GIPC2: variants seen among roughly 807,000 people sequenced by gnomAD.
GIPC2 encodes GIPC PDZ domain containing family member 2.
In GIPC2, 30 loss-of-function variants were observed where a neutral mutation model predicts 30.6. The observed-to-expected ratio is 0.98, with a 90% CI of 0.73 to 1.33. The LOEUF (loss-of-function observed/expected upper bound fraction) is 1.33. GIPC2 is among the 40% of genes most tolerant of loss of function. The pLI is 0.00. For missense variants in GIPC2, 414 were observed against 390.3 expected, an observed-to-expected ratio of 1.06 and a Z score of -0.51; for synonymous variants, 167 against 150.0, an observed-to-expected ratio of 1.11 and a Z score of -0.83.
intron 3 of GIPC2, among the ~76,000 whole-genome samples, chr1:78,100,959 C>T (rs868636923): frequency 4.7e-5 from 7 of 149,502 alleles, no homozygotes; most frequent in Middle Eastern, 3.4e-3. Context: ...CACACACACA[C>T]ACACACACAC....
chr1:78,107,681 C>T (rs1007217500), intron 3 of GIPC2, among the ~76,000 whole-genome samples: 6 of 151,506 alleles, frequency 4.0e-5, no homozygotes, highest in East Asian at 1.9e-4. Context: ...AAAAATTAGC[C>T]GAACATGGTG....
rs1342156577 is a variant in GIPC2 at position 78,135,558 on chromosome 1, T to C, written c.797-34T>C. 2.2e-6 allele frequency: 3 copies of C among 1,345,512 alleles called. No homozygotes were observed. The African/African-American group carries it at 4.4e-5, about 20-fold the overall frequency. 83.3% of individuals were successfully genotyped at this position (1,345,512 alleles called of 1,614,324 possible). A position where few individuals can be genotyped will look rare whatever the true frequency, so the allele number is the denominator to read the frequency against. Reference sequence around the variant, plus strand: ...TTCTCAGTCCTTTGATGCTATTTCATTTATTGTTAATTTTTTAATATTATT... The same window carrying C: ...TTCTCAGTCCTTTGATGCTATTTCACTTATTGTTAATTTTTTAATATTATT... On this transcript the variant is annotated intron_variant, in intron 5 of 5. Transcript: ENST00000370759.
intron 4 of GIPC2, among the ~76,000 whole-genome samples, chr1:78,121,361 T>C (rs1026918040): frequency 1.3e-5 from 2 of 152,254 alleles, no homozygotes; most frequent in African/African-American, 4.8e-5. Context: ...AGGGTCTCTC[T>C]GTATGTGAAT....
intron 3 of GIPC2, among the ~76,000 whole-genome samples, chr1:78,100,995 A>G (rs1662240753): frequency 6.6e-6 from 1 of 150,574 alleles, no homozygotes; most frequent in African/African-American, 2.4e-5. Flanking sequence ...CACACGAGGT[A>G]GATGAGCATT....
At chr1:78,055,846 A>G (rs972052431) in intron 1 of GIPC2, among the ~76,000 whole-genome samples, 1 of 152,176 alleles carries the variant, frequency 6.6e-6, no homozygotes, top group African/African-American at 2.4e-5. Context: ...TGCACATGGT[A>G]GATATTCTGA....
At chr1:78,094,787 T>A (rs1352905037) in intron 2 of GIPC2, 165 bp from the exon 3 acceptor site, 1 of 528,670 alleles carries the variant, frequency 1.9e-6, no homozygotes, top group Non-Finnish European at 3.4e-6. Flanking sequence ...TAAAAAGTAC[T>A]GTTACACAGT....
chr1:78,107,788 G>A (rs938953018), intron 3 of GIPC2, among the ~76,000 whole-genome samples: 2 of 113,480 alleles, frequency 1.8e-5, no homozygotes, highest in Non-Finnish European at 3.3e-5. Context: ...TGGTGCCAAC[G>A]CACTTCAGCC....
intron 5 of GIPC2, among the ~76,000 whole-genome samples, chr1:78,133,485 G>A (rs1662939136): frequency 1.3e-5 from 2 of 152,172 alleles, no homozygotes; most frequent in African/African-American, 2.4e-5. Context: ...AGAGAATGGG[G>A]ATATCTCTTC....
chr1:78,094,510 C>T (rs1369409708), intron 2 of GIPC2, among the ~76,000 whole-genome samples: 1 of 151,990 alleles, frequency 6.6e-6, no homozygotes, highest in Non-Finnish European at 1.5e-5. Flanking sequence ...ATGTAAAGTG[C>T]TTAGTTTAGA....
At chr1:78,067,823 A>G (rs1287388061) in intron 1 of GIPC2, among the ~76,000 whole-genome samples, 3 of 152,182 alleles carry the variant, frequency 2.0e-5, no homozygotes, top group African/African-American at 7.2e-5. Flanking sequence ...GCCTACATCC[A>G]GAAAATAAGA....
intron 2 of GIPC2, chr1:78,092,042 A>G (rs1196540147): frequency 2.5e-5 from 38 of 1,529,548 alleles, no homozygotes; most frequent in Admixed American, 2.0e-4. Flanking sequence ...CCTCCTGTCT[A>G]CTGGCTCCAA....
At chr1:78,074,320 T>C (rs989946644) in intron 1 of GIPC2, among the ~76,000 whole-genome samples, 1 of 152,196 alleles carries the variant, frequency 6.6e-6, no homozygotes, top group African/African-American at 2.4e-5. Context: ...TCTTGAACTC[T>C]TGGGTTCAAG....
intron 1 of GIPC2, among the ~76,000 whole-genome samples, chr1:78,048,101 T>A (rs1388403270): frequency 6.6e-6 from 1 of 152,156 alleles, no homozygotes; most frequent in Non-Finnish European, 1.5e-5. Flanking sequence ...ACTTTATGGG[T>A]TTATTGGGGT....
chr1:78,045,495 G>T (rs1192788528), upstream of GIPC2: 3 of 911,570 alleles, frequency 3.3e-6, no homozygotes, highest in Non-Finnish European at 3.9e-6. Flanking sequence ...CAGGAAATAG[G>T]CAAAAGGGAA....
In GIPC2 at chr1:78,137,265, G is replaced by A. The variant is rs951478918; in HGVS notation, c.*1522G>A. On this transcript the variant is annotated 3_prime_UTR_variant, in exon 6 of 6. Transcript: ENST00000370759. ...TGTAACTTGTTGGTACTCGTTTAGT[G>A]AGTTCGTTTTGGAGGTTCTGAAATA... is the stretch of plus-strand genomic sequence containing the variant. 1 of 152,084 alleles carries A rather than the reference G, an allele frequency of 6.6e-6. No homozygotes were observed. Among genetic ancestry groups the A allele is most frequent in the Admixed American group, 6.6e-5 (1 of 15,262 alleles). The allele number at this position is 152,084 out of a possible 1,614,324, so 9.4% of individuals were successfully genotyped here.
intron 1 of GIPC2, among the ~76,000 whole-genome samples, chr1:78,050,350 A>G (rs1369105089): frequency 6.6e-6 from 1 of 152,188 alleles, no homozygotes; most frequent in Non-Finnish European, 1.5e-5. Flanking sequence ...CCTCAAAAAG[A>G]TGTTGATGTG....
intron 1 of GIPC2, among the ~76,000 whole-genome samples, chr1:78,049,024 C>T (rs904951502): frequency 9.2e-5 from 14 of 152,286 alleles, no homozygotes; most frequent in Middle Eastern, 3.4e-3. Flanking sequence ...TAGCATAGTA[C>T]GCATAATATT....
intron 1 of GIPC2, among the ~76,000 whole-genome samples, chr1:78,061,534 T>C (rs1361967842): frequency 6.6e-6 from 1 of 152,078 alleles, no homozygotes; most frequent in Non-Finnish European, 1.5e-5. Flanking sequence ...GGAGTTTCCT[T>C]CTGTCGCCCA....
At chr1:78,133,750 TTGTGTG>T (rs3057089) in intron 5 of GIPC2, among the ~76,000 whole-genome samples, 26,534 of 145,648 alleles carry the variant, frequency 0.18, 3,259 homozygotes, top group African/African-American at 0.36. Flanking sequence ...GAAAAAAAAA[TTGTGTG>T]TGTGTGTGTG....
Sources: allele counts gnomAD v4.1 joint callset (sites outside exome capture counted in the v4.1 genomes callset), GRCh38; gene constraint gnomAD v4.1.1; transcripts MANE v1.5; gene names NCBI Gene and HGNC (gene_info 2026-07-23, HGNC 2026-07-21).